Variants in ZMAT5 observed in about 807,000 individuals in gnomAD.
ZMAT5 encodes the protein zinc finger matrin-type 5, also known as zinc finger matrin-type protein 5.
A neutral mutation model predicts 28.0 loss-of-function variants in ZMAT5; 23 were observed. That is an observed-to-expected ratio of 0.82 (90% CI 0.59 to 1.16). The LOEUF (loss-of-function observed/expected upper bound fraction) is 1.16. ZMAT5 is among the 50% of genes most tolerant of loss of function. ZMAT5 has a pLI of 0.00. For missense variants in ZMAT5, 173 were observed against 212.7 expected (o/e 0.81, Z 1.16); for synonymous variants, 76 against 84.1 (o/e 0.90, Z 0.52).
intron 1 of ZMAT5, among the ~76,000 whole-genome samples, chr22:29,750,730 C>T (rs374858802): frequency 2.2e-4 from 33 of 152,284 alleles, no homozygotes; most frequent in Non-Finnish European, 3.4e-4. Context: ...GGTAGCTATC[C>T]GGGCTAGCAG....
intron 1 of ZMAT5, among the ~76,000 whole-genome samples, chr22:29,762,357 C>T (rs1042416727): frequency 1.3e-5 from 2 of 152,352 alleles, no homozygotes; most frequent in East Asian, 3.9e-4. Flanking sequence ...CCCCAGGCCC[C>T]GGAACGGTAC....
rs150211603 is a variant in ZMAT5 at position 29,733,212 on chromosome 22, C to T, written c.384-1858G>A. 7.5e-4 allele frequency among the ~76,000 whole-genome samples: 115 copies of T among 152,346 alleles called. 2 individuals are homozygous for T. The East Asian group carries it at 0.02, about 26-fold the overall frequency. On this transcript the variant is annotated intron_variant, in intron 5 of 5. Coordinates refer to ENST00000344318, the MANE Select transcript of ZMAT5 (RefSeq NM_001003692.2). ...GCTCTGGCACACTCCCACACCCCAA[C>T]ATCCAGCCTTCAGGCAAGGTGAGGC...
chr22:29,765,438 CA>C (rs1023962256), intron 1 of ZMAT5, among the ~76,000 whole-genome samples: 2 of 151,480 alleles, frequency 1.3e-5, no homozygotes, highest in African/African-American at 4.9e-5. Context: ...AAACAAAAAA[CA>C]AAAAAAACTT....
chr22:29,758,083 A>G (rs1254648012), intron 1 of ZMAT5, among the ~76,000 whole-genome samples: 2 of 152,038 alleles, frequency 1.3e-5, no homozygotes, highest in African/African-American at 4.8e-5. Context: ...GTCTGGGGGA[A>G]GCCAGCTGCC....
chr22:29,763,293 A>AATAAATAAATAAATAC (rs2068175930), intron 1 of ZMAT5, among the ~76,000 whole-genome samples: 1 of 42,470 alleles, frequency 2.4e-5, no homozygotes, highest in Non-Finnish European at 6.8e-5. Context: ...ACTCTGCCTC[A>AATAAATAAATAAATAC]ATAAATAAAT....
intron 4 of ZMAT5, among the ~76,000 whole-genome samples, chr22:29,739,438 G>A (rs968065496): frequency 5.3e-5 from 8 of 152,164 alleles, no homozygotes; most frequent in African/African-American, 1.7e-4. Flanking sequence ...AGCTCACTTG[G>A]GGCCGGGCCC....
intron 1 of ZMAT5, among the ~76,000 whole-genome samples, chr22:29,766,053 C>T (rs1304853506): frequency 1.3e-5 from 2 of 152,176 alleles, no homozygotes; most frequent in Non-Finnish European, 2.9e-5. Context: ...CTTGGCCAGA[C>T]GCGGTGGCTC....
intron 1 of ZMAT5, among the ~76,000 whole-genome samples, chr22:29,764,456 G>A (rs1336397823): frequency 6.6e-6 from 1 of 152,174 alleles, no homozygotes; most frequent in Non-Finnish European, 1.5e-5. Context: ...GTTAAAGCCT[G>A]ATCAATGTCA....
intron 1 of ZMAT5, among the ~76,000 whole-genome samples, chr22:29,759,154 G>C (rs2068131730): frequency 6.6e-6 from 1 of 152,216 alleles, no homozygotes; most frequent in Non-Finnish European, 1.5e-5. Flanking sequence ...TTTCTCATCA[G>C]ATAGTTACAG....
At chr22:29,753,864 C>T (rs566323789) in intron 1 of ZMAT5, among the ~76,000 whole-genome samples, 2 of 152,196 alleles carry the variant, frequency 1.3e-5, no homozygotes, top group African/African-American at 2.4e-5. Flanking sequence ...AAGATGACCT[C>T]GCTCAGATGT....
intron 1 of ZMAT5, among the ~76,000 whole-genome samples, chr22:29,760,525 C>A (rs1388010958): frequency 3.3e-5 from 5 of 152,050 alleles, no homozygotes; most frequent in Non-Finnish European, 2.9e-5. Context: ...GGTGACAGAG[C>A]AAGACTCTGT....
intron 1 of ZMAT5, among the ~76,000 whole-genome samples, chr22:29,760,165 C>T (rs963217291): frequency 2.6e-5 from 4 of 151,332 alleles, no homozygotes; most frequent in Non-Finnish European, 5.9e-5. Context: ...TGCACCACTG[C>T]ACTCCAGCCT....
At chr22:29,762,626 C>T (rs1005037001) in intron 1 of ZMAT5, among the ~76,000 whole-genome samples, 1 of 152,242 alleles carries the variant, frequency 6.6e-6, no homozygotes, top group African/African-American at 2.4e-5. Flanking sequence ...CCATCACCCC[C>T]AGATGGGACC....
intron 1 of ZMAT5, among the ~76,000 whole-genome samples, chr22:29,760,017 A>G (rs1308189735): frequency 1.3e-5 from 2 of 152,106 alleles, no homozygotes; most frequent in African/African-American, 4.8e-5. Flanking sequence ...CCTGGGCAAC[A>G]TGGTGAAACC....
chr22:29,737,196 G>T (rs185734284), intron 5 of ZMAT5, among the ~76,000 whole-genome samples: 1 of 152,034 alleles, frequency 6.6e-6, no homozygotes, highest in African/African-American at 2.4e-5. Flanking sequence ...AGGTATGATG[G>T]TGGGTGCCTG....
rs772045799 is a variant in ZMAT5, at chr22:29,748,421, G to T, written c.124C>A (p.Arg42=). 2 of 1,614,200 alleles carry T rather than the reference G, an allele frequency of 1.2e-6. No homozygotes were observed. Among genetic ancestry groups the T allele is most frequent in the Admixed American group, 1.7e-5 (1 of 60,026 alleles). Reference sequence around the variant, plus strand: ...GCCCCCAGCCAGCGGCACCCACCTCGGAACATGTCGTACCAGACCTTCTTG... The same window carrying T: ...GCCCCCAGCCAGCGGCACCCACCTCTGAACATGTCGTACCAGACCTTCTTG... ...KAKKVWYDMF[R]DAAAILLDEQ... The change falls in exon 2 of 6, where the codon CGA becomes AGA. Residue 42 remains arginine, a synonymous_variant. Transcript: ENST00000344318.
intron 2 of ZMAT5, 177 bp downstream of exon 2, chr22:29,748,241 G>C (rs1000840667): frequency 1.2e-5 from 10 of 830,536 alleles, no homozygotes; most frequent in Non-Finnish European, 1.9e-5. Flanking sequence ...AGCGTTGTTG[G>C]GGAAAGAGCT....
chr22:29,736,093 G>A (rs1415635637), intron 5 of ZMAT5, among the ~76,000 whole-genome samples: 2 of 152,244 alleles, frequency 1.3e-5, no homozygotes, highest in Admixed American at 6.5e-5. Flanking sequence ...GCAGAGTGAG[G>A]ATGGGACTCA....
chr22:29,736,719 CAA>C (rs35069848), intron 5 of ZMAT5, among the ~76,000 whole-genome samples: 2 of 25,260 alleles, frequency 7.9e-5, no homozygotes, highest in African/African-American at 3.6e-4. Context: ...GACTCCATCT[CAA>C]AAAAAAAAAA....
Sources: allele counts gnomAD v4.1 joint callset (sites outside exome capture counted in the v4.1 genomes callset), GRCh38; gene constraint gnomAD v4.1.1; transcripts MANE v1.5; gene names NCBI Gene and HGNC (gene_info 2026-07-23, HGNC 2026-07-21).